Variants in LRP1B observed in about 807,000 individuals in gnomAD.
LRP1B encodes the protein LDL receptor related protein 1B.
LRP1B carries 217 observed loss-of-function variants against 556.6 expected under a neutral mutation model. The observed-to-expected ratio is 0.39, with a 90% CI of 0.35 to 0.44. LRP1B has a LOEUF of 0.44. Among genes scored for constraint, LRP1B ranks in the 20% least tolerant of loss-of-function variants. The pLI, the probability that LRP1B is intolerant of heterozygous loss-of-function variation, is 1.00. For missense variants in LRP1B, 5,053 were observed against 5,620.8 expected (o/e 0.90, Z 3.23); for synonymous variants, 2,047 against 1,865.8 (o/e 1.10, Z -2.50).
intron 3 of LRP1B, among the ~76,000 whole-genome samples, chr2:141,328,468 A>T (rs1375482852): frequency 6.6e-6 from 1 of 152,146 alleles, no homozygotes; most frequent in African/African-American, 2.4e-5. Context: ...ATCCTTCCAC[A>T]GGATCATATG....
At chr2:141,403,945 G>A (rs774684023) in intron 3 of LRP1B, among the ~76,000 whole-genome samples, 5 of 151,960 alleles carry the variant, frequency 3.3e-5, no homozygotes, top group African/African-American at 9.7e-5. Flanking sequence ...AATACAATTC[G>A]TTTCATAATC....
intron 2 of LRP1B, among the ~76,000 whole-genome samples, chr2:141,639,628 A>G (rs1377595821): frequency 6.6e-6 from 1 of 151,514 alleles, no homozygotes; most frequent in Non-Finnish European, 1.5e-5. Context: ...TATAATAACA[A>G]TGTATACATT....
intron 41 of LRP1B, among the ~76,000 whole-genome samples, chr2:140,609,533 T>C (rs1682993508): frequency 6.6e-6 from 1 of 152,172 alleles, no homozygotes; most frequent in Admixed American, 6.5e-5. Context: ...AATATGTAAA[T>C]AGAAAAAGTG....
intron 11 of LRP1B, among the ~76,000 whole-genome samples, chr2:141,039,916 G>A (rs1698646678): frequency 2.0e-5 from 3 of 152,040 alleles, no homozygotes; most frequent in Admixed American, 2.0e-4. Flanking sequence ...TATATTTACA[G>A]ACTAAATGTG....
intron 33 of LRP1B, among the ~76,000 whole-genome samples, chr2:140,772,455 G>A (rs1278193552): frequency 6.6e-6 from 1 of 151,920 alleles, no homozygotes; most frequent in African/African-American, 2.4e-5. Context: ...GATTACAGGG[G>A]TCTGCCACCA....
chr2:140,924,954 A>C (rs1168505835), intron 20 of LRP1B, among the ~76,000 whole-genome samples: 1 of 152,146 alleles, frequency 6.6e-6, no homozygotes, highest in East Asian at 1.9e-4. Flanking sequence ...ATTCAAACAA[A>C]TGTATTTAGA....
intron 66 of LRP1B, among the ~76,000 whole-genome samples, chr2:140,412,571 A>G (rs940716703): frequency 1.3e-5 from 2 of 152,046 alleles, no homozygotes; most frequent in Non-Finnish European, 2.9e-5. Context: ...TCAGGAAGGG[A>G]AAAGGAAATT....
chr2:140,657,616 TAC>T (rs1357516267), intron 41 of LRP1B, among the ~76,000 whole-genome samples: 13 of 129,540 alleles, frequency 1.0e-4, no homozygotes, highest in South Asian at 7.0e-4. Flanking sequence ...TATATATACA[TAC>T]ATATATACAT....
chr2:141,852,469 T>G (rs779608031), intron 1 of LRP1B, among the ~76,000 whole-genome samples: 1 of 151,892 alleles, frequency 6.6e-6, no homozygotes, highest in Middle Eastern at 3.4e-3. Flanking sequence ...GTAAGAGTAG[T>G]TAAAATAACT....
intron 18 of LRP1B, among the ~76,000 whole-genome samples, chr2:140,965,265 G>A (rs946708626): frequency 3.3e-5 from 5 of 152,048 alleles, no homozygotes; most frequent in Non-Finnish European, 7.4e-5. Flanking sequence ...CAATACTTAA[G>A]TATTTCTTGT....
intron 1 of LRP1B, among the ~76,000 whole-genome samples, chr2:142,128,743 T>C (rs1298815254): frequency 2.6e-5 from 4 of 152,200 alleles, no homozygotes; most frequent in Non-Finnish European, 5.9e-5. Flanking sequence ...CACTATTTCA[T>C]TTTTTAGAAA....
At chr2:141,541,635 G>A (rs1008119952) in intron 2 of LRP1B, among the ~76,000 whole-genome samples, 3 of 151,948 alleles carry the variant, frequency 2.0e-5, no homozygotes, top group African/African-American at 7.2e-5. Context: ...TACACATGTT[G>A]TGAGTGTTAG....
At chr2:140,944,856 G>A (rs892769124) in intron 20 of LRP1B, among the ~76,000 whole-genome samples, 4 of 152,094 alleles carry the variant, frequency 2.6e-5, no homozygotes, top group Non-Finnish European at 4.4e-5. Context: ...GGAACAGGAT[G>A]AGGATTTCTA....
intron 86 of LRP1B, among the ~76,000 whole-genome samples, chr2:140,257,525 C>T (rs1332101241): frequency 2.6e-5 from 4 of 152,252 alleles, no homozygotes; most frequent in African/African-American, 9.6e-5. Flanking sequence ...CCTCGAAGCA[C>T]AAACTAGAGT....
At chr2:142,115,909 T>C (rs1707255368) in intron 1 of LRP1B, among the ~76,000 whole-genome samples, 1 of 129,348 alleles carries the variant, frequency 7.7e-6, no homozygotes, top group South Asian at 2.3e-4. Flanking sequence ...GCATTCCAAT[T>C]AATAAACCTA....
intron 41 of LRP1B, among the ~76,000 whole-genome samples, chr2:140,612,945 A>T (rs1559005417): frequency 1.3e-5 from 2 of 151,756 alleles, no homozygotes; most frequent in Admixed American, 1.3e-4. Context: ...TTTCTGACAC[A>T]CTTCAGTCTT....
chr2:141,167,131 T>C (rs964494065), intron 7 of LRP1B: 2 of 151,936 alleles, frequency 1.3e-5, no homozygotes, highest in African/African-American at 4.8e-5. Flanking sequence ...AGTTATATAA[T>C]ACAAAAAGCT....
intron 86 of LRP1B, among the ~76,000 whole-genome samples, chr2:140,250,998 G>A (rs746990610): frequency 6.6e-6 from 1 of 151,562 alleles, no homozygotes; most frequent in East Asian, 1.9e-4. Context: ...TTTATTTTTT[G>A]TAATTAATTC....
At chr2:141,328,492 T>A (rs867565682) in intron 3 of LRP1B, among the ~76,000 whole-genome samples, 1 of 152,184 alleles carries the variant, frequency 6.6e-6, no homozygotes, top group Non-Finnish European at 1.5e-5. Context: ...AAATTAGTGG[T>A]TTTAGGTTCC....
Sources: gnomAD v4.1 joint callset for allele counts (sites outside exome capture counted in the v4.1 genomes callset) on GRCh38, gnomAD v4.1.1 for gene constraint, MANE v1.5 for transcripts, NCBI Gene and HGNC (gene_info 2026-07-23, HGNC 2026-07-21) for gene names.